CCSER1: variants seen among roughly 807,000 people sequenced by gnomAD.
CCSER1 encodes the protein serine-rich coiled-coil domain-containing protein 1.
In CCSER1, 41 loss-of-function variants were observed where a neutral mutation model predicts 82.0. That is an observed-to-expected ratio of 0.50 (90% CI 0.39 to 0.65). CCSER1 has a LOEUF of 0.65. CCSER1 is among the 30% of genes least tolerant of loss of function. The probability of loss-of-function intolerance (pLI) is 0.00; values close to 1 mark genes in which losing one functional copy is unlikely to be tolerated. For synonymous variants in CCSER1, 414 were observed against 383.9 expected (o/e 1.08, Z -0.92); for missense variants, 1,119 against 1,064.2 (o/e 1.05, Z -0.72).
intron 10 of CCSER1, among the ~76,000 whole-genome samples, chr4:91,100,212 C>G (rs1453608825): frequency 6.6e-6 from 1 of 151,934 alleles, no homozygotes; most frequent in Non-Finnish European, 1.5e-5. Flanking sequence ...CAGTTTGGTC[C>G]TCATTATAAA....
intron 10 of CCSER1, among the ~76,000 whole-genome samples, chr4:91,146,929 A>T (rs1461652692): frequency 1.3e-5 from 2 of 151,452 alleles, no homozygotes; most frequent in Non-Finnish European, 2.9e-5. Context: ...GCAGGAGAGG[A>T]CTCCTTCACC....
intron 10 of CCSER1, among the ~76,000 whole-genome samples, chr4:91,396,204 T>C (rs574405032): frequency 3.9e-5 from 6 of 152,262 alleles, no homozygotes; most frequent in Admixed American, 3.3e-4. Context: ...CCAAACTAAA[T>C]GTGTATTATA....
At chr4:90,845,301 G>T (rs1763081332) in intron 8 of CCSER1, among the ~76,000 whole-genome samples, 1 of 149,758 alleles carries the variant, frequency 6.7e-6, no homozygotes, top group South Asian at 2.1e-4. Context: ...GGCAGAGGTT[G>T]CAGTGAACCT....
chr4:91,574,032 T>G (rs1560774109), intron 10 of CCSER1, among the ~76,000 whole-genome samples: 1 of 152,016 alleles, frequency 6.6e-6, no homozygotes, highest in Admixed American at 6.6e-5. Context: ...TGGAACAATA[T>G]CTATTGTTCC....
At chr4:90,340,536 A>G (rs1741200332) in intron 3 of CCSER1, among the ~76,000 whole-genome samples, 1 of 152,172 alleles carries the variant, frequency 6.6e-6, no homozygotes, top group Non-Finnish European at 1.5e-5. Flanking sequence ...TTTTGGATTC[A>G]AAGGAAATTA....
chr4:91,012,710 GA>G (rs1739102066), intron 9 of CCSER1, among the ~76,000 whole-genome samples: 2 of 87,822 alleles, frequency 2.3e-5, no homozygotes. Context: ...CCAACTCTAA[GA>G]TAATGTAGAA....
At chr4:91,104,798 C>T (rs1217406272) in intron 10 of CCSER1, among the ~76,000 whole-genome samples, 1 of 152,156 alleles carries the variant, frequency 6.6e-6, no homozygotes, top group African/African-American at 2.4e-5. Flanking sequence ...TTCTCACATG[C>T]TCTTTACTCT....
intron 10 of CCSER1, among the ~76,000 whole-genome samples, chr4:91,522,194 T>C (rs929482171): frequency 6.6e-6 from 1 of 152,224 alleles, no homozygotes; most frequent in African/African-American, 2.4e-5. Context: ...GTTGTAGATG[T>C]GTGGTGTTAC....
intron 1 of CCSER1, among the ~76,000 whole-genome samples, chr4:90,159,769 A>G (rs1303707222): frequency 6.6e-6 from 1 of 152,198 alleles, no homozygotes; most frequent in Non-Finnish European, 1.5e-5. Flanking sequence ...ATTTTAATAT[A>G]GTTACCTCCC....
intron 8 of CCSER1, among the ~76,000 whole-genome samples, chr4:90,853,204 T>C (rs1764085079): frequency 6.6e-6 from 1 of 152,180 alleles, no homozygotes; most frequent in South Asian, 2.1e-4. Flanking sequence ...GATAAGCTAT[T>C]TTTATGGACA....
chr4:90,711,778 A>T (rs1459189312), intron 6 of CCSER1, among the ~76,000 whole-genome samples: 4 of 149,000 alleles, frequency 2.7e-5, no homozygotes, highest in East Asian at 2.0e-4. Context: ...TCCATCAAGG[A>T]TACTGGCCTG....
At chr4:91,514,721 C>T (rs569586466) in intron 10 of CCSER1, among the ~76,000 whole-genome samples, 1 of 152,196 alleles carries the variant, frequency 6.6e-6, no homozygotes, top group South Asian at 2.1e-4. Context: ...CACCATGGAG[C>T]ACCAATGGTT....
At chr4:90,909,848 CTT>C (rs1392214426) in intron 8 of CCSER1, among the ~76,000 whole-genome samples, 2 of 152,124 alleles carry the variant, frequency 1.3e-5, no homozygotes, top group Admixed American at 6.6e-5. Context: ...GCAATGTACT[CTT>C]TGAAAAAATC....
rs1367064319 is a variant in CCSER1 at position 90,811,464 on chromosome 4, C to CTT, written c.2011-4298_2011-4297insTT. Reference sequence around the variant, plus strand: ...TTCCTGCTTAGAAAAATCTCTCTGGCAAATAAGGAAAGTGATAGAGATAAA... The same window carrying CTT: ...TTCCTGCTTAGAAAAATCTCTCTGGCTTAAATAAGGAAAGTGATAGAGATAAA... On this transcript the variant is annotated intron_variant, in intron 7 of 10. Coordinates refer to ENST00000509176, the MANE Select transcript of CCSER1 (RefSeq NM_001145065.2). 5.3e-5 allele frequency among the ~76,000 whole-genome samples: 8 copies of CTT among 152,014 alleles called. No homozygotes were observed. In the East Asian group the frequency reaches 1.5e-3, roughly 29 times the overall value.
chr4:91,539,336 G>T (rs1213961570), intron 10 of CCSER1, among the ~76,000 whole-genome samples: 34 of 151,954 alleles, frequency 2.2e-4, no homozygotes, highest in Admixed American at 2.2e-3. Flanking sequence ...TGATATAGTT[G>T]TTATTTTTCC....
chr4:91,243,816 G>A (rs1165049436), intron 10 of CCSER1, among the ~76,000 whole-genome samples: 2 of 152,050 alleles, frequency 1.3e-5, no homozygotes, highest in Non-Finnish European at 2.9e-5. Flanking sequence ...TGGCTTCAAG[G>A]GTGACCTAGC....
At chr4:90,137,138 G>T (rs970307247) in intron 1 of CCSER1, among the ~76,000 whole-genome samples, 1 of 152,108 alleles carries the variant, frequency 6.6e-6, no homozygotes, top group Non-Finnish European at 1.5e-5. Flanking sequence ...TAATAAATGA[G>T]CTCCACAGAA....
At chr4:90,484,953 G>C (rs923868798) in intron 5 of CCSER1, among the ~76,000 whole-genome samples, 1 of 152,186 alleles carries the variant, frequency 6.6e-6, no homozygotes, top group South Asian at 2.1e-4. Context: ...TCTTTTGTTT[G>C]TCTGTGCCCA....
At chr4:90,180,783 TG>T (rs1228304365) in intron 1 of CCSER1, among the ~76,000 whole-genome samples, 1 of 152,114 alleles carries the variant, frequency 6.6e-6, no homozygotes, top group African/African-American at 2.4e-5. Context: ...AGGGAATACC[TG>T]TATATAGATA....
Sources: allele counts gnomAD v4.1 joint callset (sites outside exome capture counted in the v4.1 genomes callset), GRCh38; gene constraint gnomAD v4.1.1; transcripts MANE v1.5; gene names NCBI Gene and HGNC (gene_info 2026-07-23, HGNC 2026-07-21).